CCNI: variants seen among roughly 807,000 people sequenced by gnomAD.
The protein encoded by CCNI is cyclin I.
In CCNI, 14 loss-of-function variants were observed where a neutral mutation model predicts 34.1. The ratio of observed to expected loss-of-function variants is 0.41; its 90% CI spans 0.27 to 0.64. The LOEUF (loss-of-function observed/expected upper bound fraction) is 0.64, where lower values mean the gene tolerates loss of function less well. Ranked by LOEUF, CCNI falls within the 30% of genes least tolerant of loss-of-function variation. The pLI is 0.31. For missense variants in CCNI, 385 were observed against 440.5 expected (o/e 0.87, Z 1.13); for synonymous variants, 154 against 158.4 (o/e 0.97, Z 0.21).
At chr4:77,057,354 A>T (rs1728315004) in intron 3 of CCNI, among the ~76,000 whole-genome samples, 1 of 152,238 alleles carries the variant, frequency 6.6e-6, no homozygotes, top group Non-Finnish European at 1.5e-5. Context: ...AATTTGTGGA[A>T]CAATTAGAGA....
chr4:77,048,949 G>C (rs1727639910), intron 6 of CCNI, among the ~76,000 whole-genome samples: 1 of 84,324 alleles, frequency 1.2e-5, no homozygotes, highest in Non-Finnish European at 2.6e-5. Flanking sequence ...CTACTTTTTT[G>C]TATCCAACGT....
intron 6 of CCNI, among the ~76,000 whole-genome samples, chr4:77,051,941 G>A (rs1055446247): frequency 1.3e-5 from 2 of 150,170 alleles, no homozygotes; most frequent in African/African-American, 2.5e-5. Context: ...GGTGGGGAGG[G>A]GTCTGTTTTT....
rs1050878914 is a variant in CCNI, at chr4:77,075,580, C to T, written c.-152G>A. 3.0e-6 allele frequency: 3 copies of T among 988,194 alleles called. No homozygotes were observed. The highest frequency in any genetic ancestry group is 3.6e-6 in the Non-Finnish European group (3 of 830,462). The allele number at this position is 988,194 out of a possible 1,614,324, so 61.2% of individuals were successfully genotyped here. A position where few individuals can be genotyped will look rare whatever the true frequency, so the allele number is the denominator to read the frequency against. On this transcript the variant is annotated 5_prime_UTR_variant, in exon 1 of 7. Coordinates refer to ENST00000237654, the MANE Select transcript of CCNI (RefSeq NM_006835.3). ...TTACCACCTCATTCTCATAGGCGCGCGGAGGCGGTGCGCGCGGGACGACTC... is the reference window on the plus strand; with the variant it reads ...TTACCACCTCATTCTCATAGGCGCGTGGAGGCGGTGCGCGCGGGACGACTC...
rs1350657493 is a variant in CCNI, at chr4:77,055,232, G to A, written c.608C>T (p.Ala203Val). ...QLLQFRGSML[A>V]LAMVSLEMEK... is the part of the protein sequence containing the mutation. ...CATTTCCAGACTAACCATGGCCAGA[G>A]CAAGCATGGATCCTCTGAATTGCAG... Residue 203 changes from alanine (A) to valine (V), a missense_variant, in exon 6 of 7, where the codon GCT (alanine) becomes GTT (valine). Physicochemically the swap from Ala to Val is moderately conservative, Grantham distance 64. Coordinates refer to ENST00000237654, the MANE Select transcript of CCNI (RefSeq NM_006835.3). The A allele has an allele frequency of 3.7e-6, 6 of 1,614,110 alleles. No individual in the cohort carries two copies. Among genetic ancestry groups the A allele is most frequent in the Non-Finnish European group, 8.5e-7 (1 of 1,179,962 alleles).
intron 3 of CCNI, among the ~76,000 whole-genome samples, chr4:77,057,018 CTTGA>C (rs1403156920): frequency 1.3e-5 from 2 of 152,064 alleles, no homozygotes; most frequent in Non-Finnish European, 2.9e-5. Context: ...AGAAAAAAAG[CTTGA>C]TTTAGAAGTT....
At chr4:77,069,442 T>TATATA (rs368074187) in intron 1 of CCNI, among the ~76,000 whole-genome samples, 1 of 114,078 alleles carries the variant, frequency 8.8e-6, no homozygotes, top group African/African-American at 2.6e-5. Flanking sequence ...TATATATATA[T>TATATA]TTTTTTTATT....
intron 6 of CCNI, among the ~76,000 whole-genome samples, chr4:77,049,745 T>C (rs953703924): frequency 6.6e-6 from 1 of 151,996 alleles, no homozygotes; most frequent in Non-Finnish European, 1.5e-5. Context: ...TATAATAATC[T>C]ATTTAACCAT....
intron 1 of CCNI, 74 bp downstream of exon 1, chr4:77,075,398 A>C: frequency 3.9e-6 from 2 of 515,134 alleles, no homozygotes; most frequent in Non-Finnish European, 5.0e-6. Flanking sequence ...GCGCGGGGGG[A>C]GCAGCGGGGC....
intron 6 of CCNI, among the ~76,000 whole-genome samples, chr4:77,053,114 G>C (rs1727979087): frequency 1.3e-5 from 2 of 152,284 alleles, no homozygotes; most frequent in South Asian, 4.1e-4. Context: ...GCTATGTTGA[G>C]TGGAGATCTG....
chr4:77,069,121 C>A (rs148733670), intron 1 of CCNI, among the ~76,000 whole-genome samples: 1 of 152,168 alleles, frequency 6.6e-6, no homozygotes. Context: ...TCCCCAACTA[C>A]GTTATAAATT....
At chr4:77,068,008 T>C (rs1365673895) in intron 1 of CCNI, among the ~76,000 whole-genome samples, 2 of 151,568 alleles carry the variant, frequency 1.3e-5, no homozygotes, top group Admixed American at 6.6e-5. Flanking sequence ...GAGACCCCCG[T>C]CTCTACTAAA....
chr4:77,057,635 T>G (rs891339107), intron 3 of CCNI, among the ~76,000 whole-genome samples: 1 of 152,238 alleles, frequency 6.6e-6, no homozygotes, highest in Non-Finnish European at 1.5e-5. Context: ...TTAAATATGT[T>G]GAGGGCCTAT....
At chr4:77,068,787 CTTT>C (rs1185165834) in intron 1 of CCNI, among the ~76,000 whole-genome samples, 3 of 146,846 alleles carry the variant, frequency 2.0e-5, no homozygotes, top group Non-Finnish European at 4.4e-5. Flanking sequence ...CAAACCACTT[CTTT>C]AATTTCCACA....
intron 3 of CCNI, chr4:77,056,586 CTTTTTT>C (rs35437385): frequency 4.0e-4 from 65 of 161,406 alleles, no homozygotes; most frequent in East Asian, 3.9e-3. Context: ...CTAGAGCTAA[CTTTTTT>C]TTTTTTTTTT....
At chr4:77,070,017 CTTT>C (rs569456948) in intron 1 of CCNI, among the ~76,000 whole-genome samples, 11 of 131,524 alleles carry the variant, frequency 8.4e-5, no homozygotes, top group Admixed American at 2.3e-4. Flanking sequence ...AAATCATGGG[CTTT>C]TTTTTTTTTT....
intron 3 of CCNI, 168 bp from the exon 4 acceptor site, chr4:77,056,491 C>CT (rs1279835251): frequency 3.5e-6 from 2 of 576,728 alleles, no homozygotes; most frequent in Middle Eastern, 4.7e-4. Flanking sequence ...TCAGAGCTAA[C>CT]TTTAAGAACA....
chr4:77,063,690 C>CA (rs781072789), intron 2 of CCNI, among the ~76,000 whole-genome samples: 4,889 of 111,940 alleles, frequency 0.044, 118 homozygotes, highest in African/African-American at 0.09. Flanking sequence ...ACTCTGTCTC[C>CA]AAAAAAAAAA....
intron 6 of CCNI, among the ~76,000 whole-genome samples, chr4:77,054,151 T>C (rs760848420): frequency 2.0e-5 from 3 of 152,200 alleles, no homozygotes; most frequent in Non-Finnish European, 4.4e-5. Context: ...TCAGACATAC[T>C]TCTTAAAATG....
chr4:77,068,855 T>C (rs981982918), intron 1 of CCNI, among the ~76,000 whole-genome samples: 16 of 152,324 alleles, frequency 1.1e-4, no homozygotes, highest in African/African-American at 3.4e-4. Context: ...CCACATATGC[T>C]ACCTATTTGC....
Sources: gnomAD v4.1 joint callset for allele counts (sites outside exome capture counted in the v4.1 genomes callset) on GRCh38, gnomAD v4.1.1 for gene constraint, MANE v1.5 for transcripts, NCBI Gene and HGNC (gene_info 2026-07-23, HGNC 2026-07-21) for gene names.